The following ERBB4 variants were observed in gnomAD, a reference collection of about 807,000 sequenced individuals.
ERBB4 encodes the protein receptor tyrosine-protein kinase erbB-4.
In ERBB4, 42 loss-of-function variants were observed where a neutral mutation model predicts 158.0. That is an observed-to-expected ratio of 0.27 (90% CI 0.21 to 0.34). ERBB4 has a LOEUF of 0.34. Ranked by LOEUF, ERBB4 falls within the 10% of genes least tolerant of loss-of-function variation. The pLI is 1.00. For synonymous variants in ERBB4, 583 were observed against 558.7 expected (o/e 1.04, Z -0.61); for missense variants, 1,333 against 1,624.1 (o/e 0.82, Z 3.08).
chr2:211,494,323 T>C (rs2065417495), intron 20 of ERBB4, among the ~76,000 whole-genome samples: 1 of 152,098 alleles, frequency 6.6e-6, no homozygotes, highest in South Asian at 2.1e-4. Context: ...TTTTGAGTAC[T>C]AGAAATGTTG....
chr2:212,449,694 G>A (rs1219448029), intron 1 of ERBB4, among the ~76,000 whole-genome samples: 1 of 151,886 alleles, frequency 6.6e-6, no homozygotes, highest in Non-Finnish European at 1.5e-5. Context: ...GACCCACAAG[G>A]GCAAAAAGTA....
chr2:211,913,649 GTGTGTGTGTA>G (rs772179377), intron 3 of ERBB4, among the ~76,000 whole-genome samples: 86 of 140,702 alleles, frequency 6.1e-4, no homozygotes, highest in Middle Eastern at 3.8e-3. Context: ...GTGTGTGTGT[GTGTGTGTGTA>G]TGTGTGTATG....
chr2:211,719,318 C>T (rs1002899269), intron 7 of ERBB4, among the ~76,000 whole-genome samples: 1 of 152,154 alleles, frequency 6.6e-6, no homozygotes, highest in Non-Finnish European at 1.5e-5. Flanking sequence ...CCATTTCTTC[C>T]AGTTTACTGA....
Position 211,513,321 on chromosome 2 carries a change from G to A in ERBB4, c.2487+48582C>T, listed in dbSNP as rs2065929281. 3.8e-5 allele frequency among the ~76,000 whole-genome samples: 5 copies of A among 130,110 alleles called. No homozygotes were observed. The South Asian group carries it at 1.3e-3, about 33-fold the overall frequency. The allele number at this position is 130,110 out of a possible 152,430, so 85.4% of individuals were successfully genotyped here. A position where few individuals can be genotyped will look rare whatever the true frequency, so the allele number is the denominator to read the frequency against. The stretch of plus-strand genomic sequence containing the variant: ...AGCCGAGATTGCGCCACTGCAGTCC[G>A]CAGTCCGGCCTGGGCGACAGAGCGA... On this transcript the variant is annotated intron_variant, in intron 20 of 27. Coordinates refer to ENST00000342788, the MANE Select transcript of ERBB4 (RefSeq NM_005235.3).
chr2:211,709,184 T>C (rs2073571500), intron 9 of ERBB4, among the ~76,000 whole-genome samples: 1 of 150,460 alleles, frequency 6.6e-6, no homozygotes, highest in Non-Finnish European at 1.5e-5. Flanking sequence ...ATTTATTTAT[T>C]AAACTTTCCT....
intron 20 of ERBB4, among the ~76,000 whole-genome samples, chr2:211,532,050 C>T (rs2066513858): frequency 6.6e-6 from 1 of 152,036 alleles, no homozygotes; most frequent in East Asian, 1.9e-4. Context: ...GAAAGACATA[C>T]TTTGCATGTT....
At chr2:211,950,822 A>G (rs566482929) in intron 2 of ERBB4, among the ~76,000 whole-genome samples, 2 of 152,110 alleles carry the variant, frequency 1.3e-5, no homozygotes, top group South Asian at 4.1e-4. Context: ...CGTACACAGC[A>G]ATTTGTTTAA....
intron 1 of ERBB4, among the ~76,000 whole-genome samples, chr2:212,442,530 A>G (rs1377126657): frequency 6.6e-6 from 1 of 152,068 alleles, no homozygotes; most frequent in Admixed American, 6.5e-5. Flanking sequence ...ATTCCAGGAG[A>G]CCCAAAAGAT....
rs769458178 is a variant in ERBB4, at chr2:211,570,325, C to CTTTTTT, written c.2302-8243_2302-8238dup. Among the ~76,000 whole-genome samples the CTTTTTT allele has an allele frequency of 9.1e-4, 96 of 105,210 alleles. 5 individuals carry two copies. The highest frequency in any genetic ancestry group is 3.6e-3 in the African/African-American group (90 of 25,350). The allele number at this position is 105,210 out of a possible 152,430, so 69.0% of individuals were successfully genotyped here. ...CGCCACCACACTTGGCTAATTTTTG[C>CTTTTTT]TTTTTTTTTTTTTTTTTTCTCAGTA... On this transcript the variant is annotated intron_variant, in intron 19 of 27. Transcript: ENST00000342788.
At chr2:212,374,500 TAC>T (rs2090252468) in intron 1 of ERBB4, among the ~76,000 whole-genome samples, 1 of 152,034 alleles carries the variant, frequency 6.6e-6, no homozygotes, top group South Asian at 2.1e-4. Context: ...TGTGTGTGTG[TAC>T]ACCACACATA....
At position 211,526,137 on chromosome 2, in the gene ERBB4, G is replaced by T. The variant is rs370085894; in HGVS notation, c.2487+35766C>A. On this transcript the variant is annotated intron_variant, in intron 20 of 27. Transcript: ENST00000342788. ...CAAGGTAATAGTTTCAGTGGGACTT[G>T]GGTGAGACTCAGGGCTATGCTGGTC... Among the ~76,000 whole-genome samples the T allele has an allele frequency of 9.5e-4, 145 of 152,192 alleles. 1 individual carries two copies. The highest frequency in any genetic ancestry group is 3.2e-3 in the African/African-American group (135 of 41,552).
intron 3 of ERBB4, among the ~76,000 whole-genome samples, chr2:211,882,502 T>C (rs1249138580): frequency 1.3e-5 from 2 of 152,160 alleles, no homozygotes; most frequent in Admixed American, 1.3e-4. Flanking sequence ...ATTACTAAAA[T>C]ATGGTTTCTC....
At chr2:212,129,492 T>G (rs1283419984) in intron 1 of ERBB4, among the ~76,000 whole-genome samples, 1 of 151,644 alleles carries the variant, frequency 6.6e-6, no homozygotes, top group African/African-American at 2.4e-5. Flanking sequence ...CTCATTAATA[T>G]TCATTTAAAT....
At chr2:212,447,560 T>A (rs1156367642) in intron 1 of ERBB4, among the ~76,000 whole-genome samples, 1 of 152,146 alleles carries the variant, frequency 6.6e-6, no homozygotes, top group African/African-American at 2.4e-5. Flanking sequence ...TTAGTGTCCA[T>A]CCTGAACATT....
At chr2:212,209,010 A>G (rs6710350) in intron 1 of ERBB4, among the ~76,000 whole-genome samples, 18,245 of 152,162 alleles carry the variant, frequency 0.12, 1,392 homozygotes, top group South Asian at 0.36. Context: ...AACTTAAATC[A>G]GCTTGTATCT....
chr2:211,455,382 AG>A (rs1406019095), intron 20 of ERBB4, among the ~76,000 whole-genome samples: 1 of 152,220 alleles, frequency 6.6e-6, no homozygotes, highest in Non-Finnish European at 1.5e-5. Context: ...ATGAGTTGCC[AG>A]GGACAATGGG....
intron 2 of ERBB4, among the ~76,000 whole-genome samples, chr2:212,082,742 C>T (rs1000781023): frequency 4.0e-5 from 6 of 151,566 alleles, no homozygotes; most frequent in Admixed American, 6.6e-5. Flanking sequence ...AAGCAGTGTC[C>T]CAGGTAAAAG....
At chr2:212,268,760 G>T (rs1312810796) in intron 1 of ERBB4, among the ~76,000 whole-genome samples, 1 of 151,860 alleles carries the variant, frequency 6.6e-6, no homozygotes, top group African/African-American at 2.4e-5. Context: ...TGGTGAGCCA[G>T]ATTTGATCCT....
rs146650946 is a variant in ERBB4, at chr2:211,467,639, G to A, written c.2488-36539C>T. 7.1e-4 allele frequency among the ~76,000 whole-genome samples: 108 copies of A among 152,186 alleles called. 1 individual carries two copies. The highest frequency in any genetic ancestry group is 2.4e-3 in the African/African-American group (98 of 41,518). ...TCATATCTAATATAGAGTATTTGGA[G>A]GCCATAGAAGTGGAAGACCATTAAG... On this transcript the variant is annotated intron_variant, in intron 20 of 27. Transcript: ENST00000342788.
Sources: allele counts gnomAD v4.1 joint callset (sites outside exome capture counted in the v4.1 genomes callset), GRCh38; gene constraint gnomAD v4.1.1; transcripts MANE v1.5; gene names NCBI Gene and HGNC (gene_info 2026-07-23, HGNC 2026-07-21).